KIF1A: variants seen among roughly 807,000 people sequenced by gnomAD.
KIF1A encodes kinesin family member 1A.
KIF1A carries 46 observed loss-of-function variants against 227.3 expected under a neutral mutation model. The ratio of observed to expected loss-of-function variants is 0.20; its 90% CI spans 0.16 to 0.26. The LOEUF (loss-of-function observed/expected upper bound fraction) is 0.26. KIF1A is among the 10% of genes least tolerant of loss of function. The pLI, the probability that KIF1A is intolerant of heterozygous loss-of-function variation, is 1.00. For synonymous variants in KIF1A, 1,022 were observed against 1,012.8 expected, an observed-to-expected ratio of 1.01 and a Z score of -0.17; for missense variants, 1,683 against 2,485.9, an observed-to-expected ratio of 0.68 and a Z score of 6.87.
Position 240,766,959 on chromosome 2 carries a change from T to C in KIF1A, c.1640A>G (p.Glu547Gly). 1 of 1,612,378 alleles carries C rather than the reference T, an allele frequency of 6.2e-7. No homozygotes were observed. The highest frequency in any genetic ancestry group is 8.5e-7 in the Non-Finnish European group (1 of 1,179,652). ...DIVLSGHFIK[E>G]EHCVFRSDSR... ...GTCGCTCCGGAAGACGCAGTGCTCCTCCTTGATGAAGTGCCCACTCAGAAC... is the reference window on the plus strand; with the variant it reads ...GTCGCTCCGGAAGACGCAGTGCTCCCCCTTGATGAAGTGCCCACTCAGAAC... Residue 547 changes from glutamate (E) to glycine (G), a missense_variant, in exon 19 of 49, where the codon GAG becomes GGG. By Grantham distance (98) the Glu-to-Gly change is moderately conservative. Transcript: ENST00000498729. This position sits in a 1 kb window ranked among gnomAD's most constrained non-coding sequence, Gnocchi z 5.0.
chr2:240,745,382 G>A, intron 32 of KIF1A, 45 bp downstream of exon 32: 5 of 1,407,514 alleles, frequency 3.6e-6, no homozygotes, highest in Non-Finnish European at 5.0e-6. Context: ...GGCCCTGGGA[G>A]GGTCAGTCAG....
At chr2:240,750,667 C>T (rs2049106171) in intron 27 of KIF1A, 120 bp from the exon 28 acceptor site, 1 of 734,454 alleles carries the variant, frequency 1.4e-6, no homozygotes. Flanking sequence ...AGGGAAGCCG[C>T]CGGACAGGAC....
At position 240,772,595 on chromosome 2, in the gene KIF1A, G is replaced by A. The variant is rs2052155890; in HGVS notation, c.1182C>T (p.Thr394=). The change falls in exon 14 of 49, where the codon ACC becomes ACT. Residue 394 remains threonine (T), a splice_region_variant and synonymous_variant. Coordinates refer to ENST00000498729, the MANE Select transcript of KIF1A (RefSeq NM_001244008.2). Reference sequence around the variant, plus strand: ...ATTTGGGTCCTCCAGGCACAGTGTTGGCTATGGGGGAGGGAAGCGTGGGGG... The same window carrying A: ...ATTTGGGTCCTCCAGGCACAGTGTTAGCTATGGGGGAGGGAAGCGTGGGGG... ...YAQGLGDITD[T]NTVPGGPKLT... 1.9e-6 allele frequency: 3 copies of A among 1,547,404 alleles called. No homozygotes were observed. Among genetic ancestry groups the A allele is most frequent in the Non-Finnish European group, 1.7e-6 (2 of 1,144,274 alleles).
intron 1 of KIF1A, among the ~76,000 whole-genome samples, chr2:240,805,107 G>GGGAGGGAGAGGGGAGGGAGAGC (rs2057301275): frequency 1.7e-5 from 1 of 60,206 alleles, no homozygotes; most frequent in Non-Finnish European, 3.6e-5. Context: ...GGAGAGGGGA[G>GGGAGGGAGAGGGGAGGGAGAGC]GGAGGGAGAG....
chr2:240,814,807 T>C (rs1190948967), intron 1 of KIF1A, among the ~76,000 whole-genome samples: 1 of 152,080 alleles, frequency 6.6e-6, no homozygotes, highest in Non-Finnish European at 1.5e-5. Flanking sequence ...GTCCCAGCTA[T>C]TCAGGAGGCT....
chr2:240,756,882 G>T lies in KIF1A; in HGVS notation c.2858+437C>A, dbSNP rs555569051. ...TTGATTCCCAGGAGAATGACAGGAC[G>T]GGCATCCTGCTTGGGGGCGGCTGGC... On this transcript the variant is annotated intron_variant, in intron 27 of 48. Coordinates refer to ENST00000498729, the MANE Select transcript of KIF1A (RefSeq NM_001244008.2). Among the ~76,000 whole-genome samples the T allele has an allele frequency of 3.3e-5, 5 of 152,348 alleles. No homozygotes were observed. The South Asian group carries it at 1.0e-3, about 32-fold the overall frequency.
In KIF1A at chr2:240,739,937, G is replaced by T; in HGVS notation, c.3901+121C>A. 1 of 732,502 alleles carries T rather than the reference G, an allele frequency of 1.4e-6. No individual in the cohort carries two copies. The highest frequency in any genetic ancestry group is 2.4e-6 in the Non-Finnish European group (1 of 422,676). 45.4% of individuals were successfully genotyped at this position (732,502 alleles called of 1,614,324 possible). A position where few individuals can be genotyped will look rare whatever the true frequency, so the allele number is the denominator to read the frequency against. ...AGTCACAGAGAGATTATGTGACCCG[G>T]CCAGGGTCACGCAGCAACAGACGCA... On this transcript the variant is annotated intron_variant, in intron 37 of 48. Transcript: ENST00000498729. The surrounding 1 kb of genome is among the most constrained non-coding windows in gnomAD (Gnocchi z 5.6).
chr2:240,771,370 C>A (rs546293700), intron 14 of KIF1A: 5 of 539,540 alleles, frequency 9.3e-6, no homozygotes, highest in South Asian at 2.0e-5. Context: ...TACGATGGGA[C>A]GGGGCCAGCA....
chr2:240,797,020 C>G (rs2056476579), intron 2 of KIF1A, among the ~76,000 whole-genome samples: 1 of 152,176 alleles, frequency 6.6e-6, no homozygotes, highest in African/African-American at 2.4e-5. Flanking sequence ...TTCATGTCAC[C>G]ACTCAGTGCA....
Position 240,725,188 on chromosome 2 carries a change from G to A in KIF1A, c.4256+83C>T, listed in dbSNP as rs1485827605. The stretch of plus-strand genomic sequence containing the variant: ...CAGGGTGAGCTGCCGGGTGGCCCAA[G>A]GACCGCTGCCAGGCAGAGCCCTGCC... On this transcript the variant is annotated intron_variant, in intron 40 of 48. Transcript: ENST00000498729. This position sits in a 1 kb window ranked among gnomAD's most constrained non-coding sequence, Gnocchi z 5.8. 6.8e-7 allele frequency: 1 copy of A among 1,467,488 alleles called. No individual in the cohort carries two copies. Among genetic ancestry groups the A allele is most frequent in the Non-Finnish European group, 9.2e-7 (1 of 1,086,410 alleles). 90.9% of individuals were successfully genotyped at this position (1,467,488 alleles called of 1,614,324 possible). A position where few individuals can be genotyped will look rare whatever the true frequency, so the allele number is the denominator to read the frequency against.
At chr2:240,728,408 A>C in intron 38 of KIF1A, 1 of 1,302,962 alleles carries the variant, frequency 7.7e-7, no homozygotes, top group Non-Finnish European at 1.0e-6. Flanking sequence ...TTTCCCAATG[A>C]AACGCTAAAG....
At position 240,736,924 on chromosome 2, in the gene KIF1A, C is replaced by T. The variant is rs1407221775; in HGVS notation, c.4007+139G>A. The T allele has an allele frequency of 8.5e-6, 6 of 704,684 alleles. No homozygotes were observed. The highest frequency in any genetic ancestry group is 3.4e-5 in the South Asian group (2 of 58,758). 43.7% of individuals were successfully genotyped at this position (704,684 alleles called of 1,614,324 possible). A position where few individuals can be genotyped will look rare whatever the true frequency, so the allele number is the denominator to read the frequency against. ...GCCACCAGCCCCTCACCGCACAGCT[C>T]CTGCAGGTGCCAGGAGGGAGGGCCG... On this transcript the variant is annotated intron_variant, in intron 38 of 48. Transcript: ENST00000498729. This position sits in a 1 kb window ranked among gnomAD's most constrained non-coding sequence, Gnocchi z 4.7.
intron 1 of KIF1A, among the ~76,000 whole-genome samples, chr2:240,816,052 C>T (rs2058292526): frequency 6.6e-6 from 1 of 152,014 alleles, no homozygotes; most frequent in Non-Finnish European, 1.5e-5. Context: ...ATGGCAGAGG[C>T]AGCATTTGAG....
chr2:240,808,914 T>C (rs1364029538), intron 1 of KIF1A, among the ~76,000 whole-genome samples: 1 of 151,726 alleles, frequency 6.6e-6, no homozygotes, highest in Non-Finnish European at 1.5e-5. Context: ...GTATTTTTAG[T>C]AGAGATGGGG....
chr2:240,780,826 AG>A (rs2053637205), intron 10 of KIF1A, among the ~76,000 whole-genome samples: 1 of 28,872 alleles, frequency 3.5e-5, no homozygotes, highest in African/African-American at 3.2e-4. Flanking sequence ...ACACACACAC[AG>A]CTCCACACAC....
In KIF1A at chr2:240,740,355, C is replaced by T. The variant is rs777751073; in HGVS notation, c.3759G>A (p.Pro1253=). ...CELEANGDYI[P]AVVDHRGGMP... is the part of the protein sequence containing the mutation. Reference sequence around the variant, plus strand: ...TGCCCCCACGGTGGTCCACCACGGCCGGGATGTAACTGGAAGAGAGAGACA... The same window carrying T: ...TGCCCCCACGGTGGTCCACCACGGCTGGGATGTAACTGGAAGAGAGAGACA... Residue 1253 remains proline (P), a synonymous_variant, in exon 36 of 49, where the codon CCG becomes CCA. Coordinates refer to ENST00000498729, the MANE Select transcript of KIF1A (RefSeq NM_001244008.2). The surrounding 1 kb of genome is among the most constrained non-coding windows in gnomAD (Gnocchi z 6.1). The T allele has an allele frequency of 2.0e-5, 33 of 1,613,430 alleles. No homozygotes were observed. The highest frequency in any genetic ancestry group is 1.6e-4 in the East Asian group (7 of 44,880).
chr2:240,807,878 A>G lies in KIF1A; in HGVS notation c.-60-10066T>C, dbSNP rs1359595381. On this transcript the variant is annotated intron_variant, in intron 1 of 48. Coordinates refer to ENST00000498729, the MANE Select transcript of KIF1A (RefSeq NM_001244008.2). Reference sequence around the variant, plus strand: ...TGACATTAGGATAGCTATTATTATAATTTTCAAATTAAAGAAGAAAGAATA... The same window carrying G: ...TGACATTAGGATAGCTATTATTATAGTTTTCAAATTAAAGAAGAAAGAATA... 2.6e-5 allele frequency among the ~76,000 whole-genome samples: 4 copies of G among 152,226 alleles called. 1 individual carries two copies. In the East Asian group the frequency reaches 7.7e-4, roughly 29 times the overall value.
At chr2:240,731,927 G>T (rs113628315) in intron 38 of KIF1A, among the ~76,000 whole-genome samples, 2 of 65,908 alleles carry the variant, frequency 3.0e-5, no homozygotes, top group East Asian at 6.4e-4. Context: ...GAGGGGAGGA[G>T]GGATGAGGGA....
intron 13 of KIF1A, 61 bp from the exon 14 acceptor site, chr2:240,772,657 C>T: frequency 7.3e-7 from 1 of 1,370,096 alleles, no homozygotes; most frequent in East Asian, 2.5e-5. Context: ...ACAGGTTTGT[C>T]TCCAGAGGGT....
Sources: gnomAD v4.1 joint callset for allele counts (sites outside exome capture counted in the v4.1 genomes callset) on GRCh38, gnomAD v4.1.1 for gene constraint, Gnocchi (gnomAD v3.1) non-coding constraint, MANE v1.5 for transcripts, NCBI Gene and HGNC (gene_info 2026-07-23, HGNC 2026-07-21) for gene names.